The following RAB20 variants were observed in gnomAD, a reference collection of about 807,000 sequenced individuals.
RAB20 encodes the protein ras-related protein Rab-20.
Under a neutral mutation model 3.7 loss-of-function variants are expected in RAB20, and 2 were observed. That is an observed-to-expected ratio of 0.54 (90% CI 0.22 to 1.69). The LOEUF is 1.69. Ranked by LOEUF, RAB20 falls within the 40% of genes most tolerant of loss-of-function variation. The pLI is 0.19. For missense variants in RAB20, 276 were observed against 311.9 expected, an observed-to-expected ratio of 0.88 and a Z score of 0.87; for synonymous variants, 126 against 130.8, an observed-to-expected ratio of 0.96 and a Z score of 0.25.
chr13:110,550,932 C>T lies in RAB20; in HGVS notation c.172+10416G>A, dbSNP rs189881537. 2.6e-5 allele frequency among the ~76,000 whole-genome samples: 4 copies of T among 152,276 alleles called. No individual in the cohort carries two copies. In the East Asian group the frequency reaches 7.7e-4, roughly 29 times the overall value. On this transcript the variant is annotated intron_variant, in intron 1 of 1. Coordinates refer to ENST00000267328, the MANE Select transcript of RAB20 (RefSeq NM_017817.3). ...GATACCATATAATTAATGTCCCAGA[C>T]CCACAGTTCCCTACCACGCACACAA...
At position 110,523,216 on chromosome 13, in the gene RAB20, C is replaced by G; in HGVS notation, c.*449G>C. On this transcript the variant is annotated 3_prime_UTR_variant, in exon 2 of 2. Coordinates refer to ENST00000267328, the MANE Select transcript of RAB20 (RefSeq NM_017817.3). ...AGATACAAGTACCAAGTGGGAGGAC[C>G]AAAGACAACTCACAGTGAAGAGAAA... 2.5e-6 allele frequency: 1 copy of G among 407,196 alleles called. No individual in the cohort carries two copies. Among genetic ancestry groups the G allele is most frequent in the Non-Finnish European group, 4.3e-6 (1 of 231,450 alleles). The allele number at this position is 407,196 out of a possible 1,614,324, so 25.2% of individuals were successfully genotyped here. A position where few individuals can be genotyped will look rare whatever the true frequency, so the allele number is the denominator to read the frequency against.
intron 1 of RAB20, among the ~76,000 whole-genome samples, chr13:110,537,787 C>A (rs112646667): frequency 3.7e-4 from 57 of 152,188 alleles, no homozygotes; most frequent in African/African-American, 1.3e-3. Context: ...CAGGACCCTG[C>A]GGGGCTCAGT....
chr13:110,541,816 C>CCACACACACACACACACA (rs10624545), intron 1 of RAB20, among the ~76,000 whole-genome samples: 47 of 149,530 alleles, frequency 3.1e-4, no homozygotes, highest in African/African-American at 1.1e-3. Context: ...GAGTGTCCAG[C>CCACACACACACACACACA]CACACACACA....
At position 110,523,575 on chromosome 13, in the gene RAB20, C is replaced by CT. The variant is rs1884370641; in HGVS notation, c.*89dup. 1.3e-6 allele frequency: 2 copies of CT among 1,518,404 alleles called. No individual in the cohort carries two copies. Among genetic ancestry groups the CT allele is most frequent in the Non-Finnish European group, 1.8e-6 (2 of 1,133,954 alleles). The allele number at this position is 1,518,404 out of a possible 1,614,324, so 94.1% of individuals were successfully genotyped here. A position where few individuals can be genotyped will look rare whatever the true frequency, so the allele number is the denominator to read the frequency against. On this transcript the variant is annotated 3_prime_UTR_variant, in exon 2 of 2. Coordinates refer to ENST00000267328, the MANE Select transcript of RAB20 (RefSeq NM_017817.3). Reference sequence around the variant, plus strand: ...CGGGTGTCATTCTGGAAAATAATTCCTTGCTGTTCCTTGCTCCTTTCAGAT... The same window carrying CT: ...CGGGTGTCATTCTGGAAAATAATTCCTTTGCTGTTCCTTGCTCCTTTCAGAT...
intron 1 of RAB20, among the ~76,000 whole-genome samples, chr13:110,558,570 C>T (rs950491093): frequency 6.6e-6 from 1 of 151,208 alleles, no homozygotes; most frequent in Non-Finnish European, 1.5e-5. Flanking sequence ...TTTTAGTAGA[C>T]ACGGGTTCAC....
At chr13:110,529,537 G>C (rs1018830873) in intron 1 of RAB20, among the ~76,000 whole-genome samples, 1 of 152,160 alleles carries the variant, frequency 6.6e-6, no homozygotes, top group African/African-American at 2.4e-5. Context: ...TCCAATTCTG[G>C]GGATGCCAGA....
intron 1 of RAB20, among the ~76,000 whole-genome samples, chr13:110,531,250 G>A (rs747772352): frequency 6.6e-6 from 1 of 152,228 alleles, no homozygotes; most frequent in Non-Finnish European, 1.5e-5. Context: ...CCCAGAGGCA[G>A]AGGAAGGGGC....
chr13:110,555,477 G>A lies in RAB20; in HGVS notation c.172+5871C>T, dbSNP rs1437231183. Among the ~76,000 whole-genome samples the A allele has an allele frequency of 6.6e-6, 1 of 152,170 alleles. No homozygotes were observed. Among genetic ancestry groups the A allele is most frequent in the East Asian group, 1.9e-4 (1 of 5,186 alleles). ...GGCTCAGCCATCAGCATCCTCTAAA[G>A]AGGCCAGAGGCTGGGCCCATCTCTC... On this transcript the variant is annotated intron_variant, in intron 1 of 1. Coordinates refer to ENST00000267328, the MANE Select transcript of RAB20 (RefSeq NM_017817.3). The surrounding 1 kb of genome is among the most constrained non-coding windows in gnomAD (Gnocchi z 4.0).
At position 110,523,391 on chromosome 13, in the gene RAB20, A is replaced by G; in HGVS notation, c.*274T>C. The G allele has an allele frequency of 1.6e-6, 1 of 619,640 alleles. No homozygotes were observed. The highest frequency in any genetic ancestry group is 1.8e-5 in the African/African-American group (1 of 54,582). 38.4% of individuals were successfully genotyped at this position (619,640 alleles called of 1,614,324 possible). On this transcript the variant is annotated 3_prime_UTR_variant, in exon 2 of 2. Coordinates refer to ENST00000267328, the MANE Select transcript of RAB20 (RefSeq NM_017817.3). ...TGGCTGCAAAGGACCAGTGCCAGGC[A>G]GCGGGGCAGAGAGCACCAGGGGTCT... is the stretch of plus-strand genomic sequence containing the variant.
chr13:110,558,898 A>G (rs1460220223), intron 1 of RAB20, among the ~76,000 whole-genome samples: 1 of 151,224 alleles, frequency 6.6e-6, no homozygotes, highest in Non-Finnish European at 1.5e-5. Context: ...GGGTTTCACC[A>G]TGTTAGCCAG....
At chr13:110,561,086 G>A (rs994941397) in intron 1 of RAB20, among the ~76,000 whole-genome samples, 1 of 152,222 alleles carries the variant, frequency 6.6e-6, no homozygotes, top group African/African-American at 2.4e-5. Context: ...CAGGAACGCG[G>A]GGCTCGGGAG....
intron 1 of RAB20, among the ~76,000 whole-genome samples, chr13:110,539,431 A>C (rs1884714108): frequency 6.6e-6 from 1 of 152,204 alleles, no homozygotes; most frequent in African/African-American, 2.4e-5. Flanking sequence ...AAGAGTCCAA[A>C]CCTAAAACTA....
At chr13:110,536,813 G>GT (rs1884650402) in intron 1 of RAB20, among the ~76,000 whole-genome samples, 1 of 141,008 alleles carries the variant, frequency 7.1e-6, no homozygotes, top group African/African-American at 2.6e-5. Flanking sequence ...TAAGTTCTAG[G>GT]TACATGTGCA....
chr13:110,534,880 C>A (rs1299977989), intron 1 of RAB20, among the ~76,000 whole-genome samples: 1 of 152,234 alleles, frequency 6.6e-6, no homozygotes, highest in Non-Finnish European at 1.5e-5. Context: ...GTCACCCAGG[C>A]TGGAGTGCAG....
chr13:110,555,309 G>A lies in RAB20; in HGVS notation c.172+6039C>T, dbSNP rs907264679. Reference sequence around the variant, plus strand: ...AATGAGGCTTGAATTCCTCTTCCACGTGACAACCTTCCAACACTCAAAAAC... The same window carrying A: ...AATGAGGCTTGAATTCCTCTTCCACATGACAACCTTCCAACACTCAAAAAC... On this transcript the variant is annotated intron_variant, in intron 1 of 1. Coordinates refer to ENST00000267328, the MANE Select transcript of RAB20 (RefSeq NM_017817.3). The surrounding 1 kb of genome is among the most constrained non-coding windows in gnomAD (Gnocchi z 4.0). 2.6e-5 allele frequency among the ~76,000 whole-genome samples: 4 copies of A among 152,082 alleles called. No homozygotes were observed. Among genetic ancestry groups the A allele is most frequent in the Non-Finnish European group, 5.9e-5 (4 of 68,022 alleles).
intron 1 of RAB20, among the ~76,000 whole-genome samples, chr13:110,553,943 C>T (rs1884998123): frequency 1.3e-5 from 2 of 152,116 alleles, no homozygotes; most frequent in African/African-American, 4.8e-5. Context: ...TAGCAAGACC[C>T]CGTCTCTACA....
In RAB20 at chr13:110,523,135, G is replaced by T; in HGVS notation, c.*530C>A. On this transcript the variant is annotated 3_prime_UTR_variant, in exon 2 of 2. Coordinates refer to ENST00000267328, the MANE Select transcript of RAB20 (RefSeq NM_017817.3). The stretch of plus-strand genomic sequence containing the variant: ...TTGCTGCAATCAGTATAAAAACAAA[G>T]TTATTCCTGATTTTGTATAAATGAA... The T allele has an allele frequency of 2.5e-6, 1 of 398,986 alleles. No individual in the cohort carries two copies. The highest frequency in any genetic ancestry group is 4.4e-6 in the Non-Finnish European group (1 of 226,998). The allele number at this position is 398,986 out of a possible 1,614,324, so 24.7% of individuals were successfully genotyped here.
intron 1 of RAB20, among the ~76,000 whole-genome samples, chr13:110,525,356 A>G (rs1884410562): frequency 6.6e-6 from 1 of 152,234 alleles, no homozygotes; most frequent in Admixed American, 6.5e-5. Flanking sequence ...GCAGTCATCT[A>G]ATCAAATCAA....
chr13:110,561,165 A>T (rs1280020685), intron 1 of RAB20, among the ~76,000 whole-genome samples, 183 bp downstream of exon 1: 1 of 152,188 alleles, frequency 6.6e-6, no homozygotes, highest in Non-Finnish European at 1.5e-5. Flanking sequence ...GAGGTCACTG[A>T]GTGGCTGAGA....
Sources: allele counts gnomAD v4.1 joint callset (sites outside exome capture counted in the v4.1 genomes callset), GRCh38; gene constraint gnomAD v4.1.1; non-coding constraint Gnocchi (gnomAD v3.1); transcripts MANE v1.5; gene names NCBI Gene and HGNC (gene_info 2026-07-23, HGNC 2026-07-21).